ERLEC1: variants seen among roughly 807,000 people sequenced by gnomAD.
ERLEC1 encodes endoplasmic reticulum lectin 1.
In ERLEC1, 47 loss-of-function variants were observed where a neutral mutation model predicts 68.0. The observed-to-expected ratio is 0.69, with a 90% CI of 0.55 to 0.88. ERLEC1 has a LOEUF of 0.88. Ranked by LOEUF, ERLEC1 falls within the 40% of genes least tolerant of loss-of-function variation. The pLI is 0.00. For missense variants in ERLEC1, 567 were observed against 583.8 expected (o/e 0.97, Z 0.30); for synonymous variants, 225 against 203.2 (o/e 1.11, Z -0.91).
chr2:53,794,922 G>A (rs766457064), intron 2 of ERLEC1, among the ~76,000 whole-genome samples: 1 of 152,102 alleles, frequency 6.6e-6, no homozygotes, highest in South Asian at 2.1e-4. Flanking sequence ...CAAAGTGCTG[G>A]GATTACAGGC....
intron 1 of ERLEC1, among the ~76,000 whole-genome samples, chr2:53,788,014 T>A (rs1395281491): frequency 6.6e-6 from 1 of 152,226 alleles, no homozygotes; most frequent in Non-Finnish European, 1.5e-5. Flanking sequence ...TGAGTTTTCC[T>A]GTAGTGAAGA....
At chr2:53,814,802 T>TA (rs1480919046) in intron 12 of ERLEC1, 58 bp from the exon 13 acceptor site, 3 of 1,318,100 alleles carry the variant, frequency 2.3e-6, no homozygotes, top group Non-Finnish European at 3.3e-6. Context: ...GTACAGTTAT[T>TA]AACAGTGATC....
At chr2:53,788,402 C>T (rs1675196337) in intron 1 of ERLEC1, among the ~76,000 whole-genome samples, 1 of 151,810 alleles carries the variant, frequency 6.6e-6, no homozygotes. Context: ...TTGGGTTTTT[C>T]TGTTTTTGTT....
rs1459919967 is a variant in ERLEC1, at chr2:53,818,164, C to T, written c.*195C>T. 2 of 428,498 alleles carry T rather than the reference C, an allele frequency of 4.7e-6. No individual in the cohort carries two copies. The highest frequency in any genetic ancestry group is 4.9e-5 in the South Asian group (1 of 20,326). The allele number at this position is 428,498 out of a possible 1,614,324, so 26.5% of individuals were successfully genotyped here. A position where few individuals can be genotyped will look rare whatever the true frequency, so the allele number is the denominator to read the frequency against. ...ACTTCTGAGGCAGACATTTGTCTCG[C>T]TTTTTTTCATTTTTGTTGTGTCTTA... is the stretch of plus-strand genomic sequence containing the variant. On this transcript the variant is annotated 3_prime_UTR_variant, in exon 14 of 14. Coordinates refer to ENST00000185150, the MANE Select transcript of ERLEC1 (RefSeq NM_015701.5).
At chr2:53,789,503 C>G (rs1417183277) in intron 1 of ERLEC1, among the ~76,000 whole-genome samples, 6 of 152,060 alleles carry the variant, frequency 3.9e-5, no homozygotes. Flanking sequence ...TCAAGCCATC[C>G]TTCTGCCTCA....
At chr2:53,805,084 T>G (rs2104315131) in intron 8 of ERLEC1, among the ~76,000 whole-genome samples, 1 of 139,854 alleles carries the variant, frequency 7.2e-6, no homozygotes, top group Admixed American at 7.8e-5. Flanking sequence ...AACCTCCAAC[T>G]CCTGGTTTCA....
At chr2:53,805,441 C>T (rs1676248035) in intron 8 of ERLEC1, among the ~76,000 whole-genome samples, 1 of 151,988 alleles carries the variant, frequency 6.6e-6, no homozygotes, top group East Asian at 1.9e-4. Context: ...TGGTTTCGAA[C>T]TCCTGAGCTC....
At chr2:53,813,354 T>C (rs1676691405) in intron 11 of ERLEC1, among the ~76,000 whole-genome samples, 1 of 152,176 alleles carries the variant, frequency 6.6e-6, no homozygotes, top group East Asian at 1.9e-4. Flanking sequence ...TGTTGTGTAA[T>C]GGTATTTGCC....
chr2:53,794,930 G>A (rs1378298843), intron 2 of ERLEC1, among the ~76,000 whole-genome samples: 5 of 152,078 alleles, frequency 3.3e-5, no homozygotes, highest in African/African-American at 1.2e-4. Context: ...TGGGATTACA[G>A]GCATGAGACA....
In ERLEC1 at chr2:53,794,387, A is replaced by G. The variant is rs1296983140; in HGVS notation, c.205A>G (p.Met69Val). Reference sequence around the variant, plus strand: ...ATATAAAGAAGATAATTATGTCATCATGACAACTGCACATAAAGAAAAATA... The same window carrying G: ...ATATAAAGAAGATAATTATGTCATCGTGACAACTGCACATAAAGAAAAATA... ...VLYKEDNYVI[M>V]TTAHKEKYKC... Residue 69 changes from methionine (M) to valine (V), a missense_variant, in exon 2 of 14, where the codon ATG becomes GTG. By Grantham distance (21) the Met-to-Val change is conservative. Coordinates refer to ENST00000185150, the MANE Select transcript of ERLEC1 (RefSeq NM_015701.5). 1.3e-6 allele frequency: 2 copies of G among 1,589,958 alleles called. No homozygotes were observed. The highest frequency in any genetic ancestry group is 2.7e-5 in the African/African-American group (2 of 73,950).
rs201645542 is a variant in ERLEC1, at chr2:53,801,819, G to A, written c.856G>A (p.Val286Met). The A allele has an allele frequency of 5.1e-4, 830 of 1,613,730 alleles. 6 individuals are homozygous for A. The South Asian group carries it at 6.8e-3, about 13-fold the overall frequency. ...QLEQQEEILR[V>M]PFRRNKEEDL... ...GGAGCAGCAGGAAGAAATACTAAGG[G>A]TGCCTTTTAGGAGAAATAAAGAGGT... Residue 286 changes from valine to methionine, a missense_variant, in exon 8 of 14, where the codon GTG becomes ATG. By Grantham distance (21) the Val-to-Met change is conservative. Coordinates refer to ENST00000185150, the MANE Select transcript of ERLEC1 (RefSeq NM_015701.5).
intron 2 of ERLEC1, among the ~76,000 whole-genome samples, 189 bp from the exon 3 acceptor site, chr2:53,795,744 C>T (rs1400504253): frequency 1.3e-5 from 2 of 152,116 alleles, no homozygotes; most frequent in Non-Finnish European, 2.9e-5. Context: ...GATTATTTTA[C>T]GGCTCCATAT....
At chr2:53,798,540 A>T (rs1159066884) in intron 5 of ERLEC1, among the ~76,000 whole-genome samples, 1 of 152,018 alleles carries the variant, frequency 6.6e-6, no homozygotes, top group Non-Finnish European at 1.5e-5. Context: ...GATCGTATGC[A>T]TGAGGATGAG....
At position 53,795,921 on chromosome 2, in the gene ERLEC1, A is replaced by T. The variant is rs112431611; in HGVS notation, c.268-12A>T. On this transcript the variant is annotated splice_polypyrimidine_tract_variant and intron_variant, in intron 2 of 13. Transcript: ENST00000185150. ...GAAAAACTGTAAGTATTAAACTCCAATTCTTTCTTAGGAAGAAGAAAAGGA... is the reference window on the plus strand; with the variant it reads ...GAAAAACTGTAAGTATTAAACTCCATTTCTTTCTTAGGAAGAAGAAAAGGA... 3.2e-6 allele frequency: 5 copies of T among 1,572,982 alleles called. No individual in the cohort carries two copies. The South Asian group carries it at 4.6e-5, about 15-fold the overall frequency.
At position 53,792,785 on chromosome 2, in the gene ERLEC1, G is replaced by A. The variant is rs1052919143; in HGVS notation, c.163-1560G>A. 1.4e-4 allele frequency among the ~76,000 whole-genome samples: 22 copies of A among 152,186 alleles called. 1 individual carries two copies. Among genetic ancestry groups the A allele is most frequent in the African/African-American group, 5.3e-4 (22 of 41,440 alleles). ...TAATCCCAACACTTTGGGAGACAGA[G>A]GCTGACGGATGGCTTGAGCCTAGGA... On this transcript the variant is annotated intron_variant, in intron 1 of 13. Coordinates refer to ENST00000185150, the MANE Select transcript of ERLEC1 (RefSeq NM_015701.5).
chr2:53,816,731 T>C lies in ERLEC1; in HGVS notation c.1381-1167T>C, dbSNP rs146791541. On this transcript the variant is annotated intron_variant, in intron 13 of 13. Transcript: ENST00000185150. Reference sequence around the variant, plus strand: ...CTCCTATATTTCCTTCTAAAGACTTTATGGTTCTACCTTTGATTATCTAAT... The same window carrying C: ...CTCCTATATTTCCTTCTAAAGACTTCATGGTTCTACCTTTGATTATCTAAT... 4.6e-5 allele frequency among the ~76,000 whole-genome samples: 7 copies of C among 152,326 alleles called. No homozygotes were observed. The East Asian group carries it at 7.7e-4, about 17-fold the overall frequency.
chr2:53,799,966 A>G (rs1386664163), intron 6 of ERLEC1, among the ~76,000 whole-genome samples: 2 of 152,174 alleles, frequency 1.3e-5, no homozygotes, highest in Non-Finnish European at 2.9e-5. Context: ...GAAGAGGAAG[A>G]AAATGGTAAG....
chr2:53,810,115 A>G (rs1676511653), intron 10 of ERLEC1, among the ~76,000 whole-genome samples: 1 of 152,128 alleles, frequency 6.6e-6, no homozygotes, highest in Non-Finnish European at 1.5e-5. Context: ...TGATAAGATC[A>G]TACATTATCA....
intron 2 of ERLEC1, among the ~76,000 whole-genome samples, chr2:53,795,227 G>A (rs1380839849): frequency 6.6e-6 from 1 of 152,178 alleles, no homozygotes; most frequent in Non-Finnish European, 1.5e-5. Flanking sequence ...ATGGTAAAAT[G>A]GGAAGGACAC....
Sources: allele counts gnomAD v4.1 joint callset (sites outside exome capture counted in the v4.1 genomes callset), GRCh38; gene constraint gnomAD v4.1.1; transcripts MANE v1.5; gene names NCBI Gene and HGNC (gene_info 2026-07-23, HGNC 2026-07-21).